The following ELP4 variants were observed in gnomAD, a reference collection of about 807,000 sequenced individuals.
ELP4 encodes elongator complex protein 4.
ELP4 carries 51 observed loss-of-function variants against 48.9 expected under a neutral mutation model. The observed-to-expected ratio is 1.04, with a 90% CI of 0.83 to 1.32. The LOEUF (loss-of-function observed/expected upper bound fraction) is 1.32, where lower values mean the gene tolerates loss of function less well. Ranked by LOEUF, ELP4 falls within the 40% of genes most tolerant of loss-of-function variation. ELP4 has a pLI of 0.00. For missense variants in ELP4, 519 were observed against 514.6 expected, an observed-to-expected ratio of 1.01 and a Z score of -0.08; for synonymous variants, 210 against 189.2, an observed-to-expected ratio of 1.11 and a Z score of -0.90.
chr11:31,639,767 T>C (rs1232205), intron 7 of ELP4, among the ~76,000 whole-genome samples: 35,923 of 151,784 alleles, frequency 0.24, 4,781 homozygotes, highest in Non-Finnish European at 0.3. Context: ...TCAGAAACCT[T>C]TCATTACACT....
At chr11:31,549,345 T>C (rs1026733566) in intron 3 of ELP4, among the ~76,000 whole-genome samples, 6 of 152,130 alleles carry the variant, frequency 3.9e-5, no homozygotes, top group African/African-American at 1.4e-4. Context: ...CAGACACTTC[T>C]CAAAAGAAGA....
At chr11:31,752,319 T>C (rs1947738481) in intron 9 of ELP4, among the ~76,000 whole-genome samples, 1 of 152,162 alleles carries the variant, frequency 6.6e-6, no homozygotes, top group Admixed American at 6.5e-5. Flanking sequence ...AGAAGAAAAG[T>C]TCCTATCCTG....
intron 3 of ELP4, among the ~76,000 whole-genome samples, chr11:31,552,516 C>T (rs1565049783): frequency 2.0e-5 from 3 of 152,154 alleles, no homozygotes; most frequent in Non-Finnish European, 4.4e-5. Flanking sequence ...CTTTTTCAGC[C>T]TTTCCCATCT....
chr11:31,769,724 TAAAC>T (rs1948100136), intron 9 of ELP4, among the ~76,000 whole-genome samples: 1 of 152,154 alleles, frequency 6.6e-6, no homozygotes, highest in African/African-American at 2.4e-5. Context: ...TGAATTCTAG[TAAAC>T]AAACAGAAAG....
intron 7 of ELP4, chr11:31,645,862 C>T (rs1016104675): frequency 6.6e-6 from 1 of 151,590 alleles, no homozygotes; most frequent in Admixed American, 6.6e-5. Flanking sequence ...CCCTTTACTA[C>T]CAACCCAGCC....
intron 9 of ELP4, among the ~76,000 whole-genome samples, chr11:31,783,101 T>C (rs912886283): frequency 3.9e-5 from 6 of 152,218 alleles, no homozygotes; most frequent in African/African-American, 1.4e-4. Flanking sequence ...ATGTGTTCAC[T>C]TCTACCTAAT....
At chr11:31,513,689 T>C (rs1956052416) in intron 1 of ELP4, among the ~76,000 whole-genome samples, 2 of 152,152 alleles carry the variant, frequency 1.3e-5, no homozygotes, top group South Asian at 4.1e-4. Context: ...AGGTTTCTAT[T>C]GGGGAGAGTA....
intron 9 of ELP4, among the ~76,000 whole-genome samples, chr11:31,737,239 G>A (rs541466407): frequency 6.4e-4 from 97 of 152,136 alleles, no homozygotes; most frequent in African/African-American, 2.3e-3. Context: ...AACACTGCAT[G>A]TTCTCACTCA....
chr11:31,643,540 T>C (rs1223599984), intron 7 of ELP4, among the ~76,000 whole-genome samples: 3 of 151,888 alleles, frequency 2.0e-5, no homozygotes, highest in Non-Finnish European at 2.9e-5. Context: ...GGGTTTAAGG[T>C]ATTCTGATTG....
chr11:31,601,898 T>C (rs1425235005), intron 4 of ELP4, among the ~76,000 whole-genome samples: 1 of 152,048 alleles, frequency 6.6e-6, no homozygotes, highest in African/African-American at 2.4e-5. Flanking sequence ...TGTTTTATTA[T>C]AGCCAAATCC....
intron 9 of ELP4, chr11:31,719,689 A>C (rs2134184222): frequency 1.3e-4 from 50 of 377,080 alleles, no homozygotes; most frequent in East Asian, 2.3e-4. Context: ...ATTATATCTC[A>C]TTAAACCTAT....
intron 3 of ELP4, among the ~76,000 whole-genome samples, chr11:31,589,064 A>G (rs936472753): frequency 6.6e-6 from 1 of 152,186 alleles, no homozygotes. Context: ...AAAGAATTGC[A>G]ACATAATAGG....
At chr11:31,658,977 A>G (rs960986157) in intron 9 of ELP4, among the ~76,000 whole-genome samples, 1 of 152,030 alleles carries the variant, frequency 6.6e-6, no homozygotes, top group South Asian at 2.1e-4. Context: ...AAATATTATG[A>G]TTGTAAAATG....
chr11:31,747,033 CTGTGTG>C (rs34776621), intron 9 of ELP4, among the ~76,000 whole-genome samples: 3,162 of 150,032 alleles, frequency 0.021, 102 homozygotes, highest in African/African-American at 0.073. Flanking sequence ...CAGACTAACA[CTGTGTG>C]TGTGTGTGTG....
intron 5 of ELP4, among the ~76,000 whole-genome samples, chr11:31,608,636 ACT>A (rs149902219): frequency 1.3e-5 from 2 of 151,108 alleles, no homozygotes; most frequent in Non-Finnish European, 3.0e-5. Flanking sequence ...AGCAGGAGGG[ACT>A]CTGGTTGCGG....
At chr11:31,733,176 A>T (rs574334687) in intron 9 of ELP4, among the ~76,000 whole-genome samples, 1 of 152,306 alleles carries the variant, frequency 6.6e-6, no homozygotes, top group Admixed American at 6.5e-5. Flanking sequence ...ATAAGTCTTA[A>T]CAAATTTAAG....
intron 9 of ELP4, among the ~76,000 whole-genome samples, chr11:31,742,237 G>A (rs1172348666): frequency 6.6e-6 from 1 of 152,174 alleles, no homozygotes; most frequent in Admixed American, 6.5e-5. Context: ...CAAGAAATAT[G>A]GGACTATGTG....
At chr11:31,695,873 ACTT>A (rs1346172821) in intron 9 of ELP4, among the ~76,000 whole-genome samples, 3 of 150,522 alleles carry the variant, frequency 2.0e-5, no homozygotes, top group East Asian at 3.9e-4. Flanking sequence ...CAGGGATTCA[ACTT>A]CTTCTTGGTT....
At chr11:31,659,772 G>C (rs903658182) in intron 9 of ELP4, among the ~76,000 whole-genome samples, 2 of 152,114 alleles carry the variant, frequency 1.3e-5, no homozygotes, top group Non-Finnish European at 1.5e-5. Context: ...TGGATCACTT[G>C]AGGTCAGGGG....
Sources: gnomAD v4.1 joint callset for allele counts (sites outside exome capture counted in the v4.1 genomes callset) on GRCh38, gnomAD v4.1.1 for gene constraint, MANE v1.5 for transcripts, NCBI Gene and HGNC (gene_info 2026-07-23, HGNC 2026-07-21) for gene names.